The following APLN variants were observed in gnomAD, a reference collection of about 807,000 sequenced individuals.
APLN encodes the protein AGTRL1 ligand.
APLN carries 2 observed loss-of-function variants against 4.3 expected under a neutral mutation model. The observed-to-expected ratio is 0.46, with a 90% CI of 0.19 to 1.45. The LOEUF (loss-of-function observed/expected upper bound fraction) is 1.45, where lower values mean the gene tolerates loss of function less well. Among genes scored for constraint, APLN ranks in the 40% most tolerant of loss-of-function variants. The pLI, the probability that APLN is intolerant of heterozygous loss-of-function variation, is 0.25. For synonymous variants in APLN, 34 were observed against 30.4 expected, an observed-to-expected ratio of 1.12 and a Z score of -0.38; for missense variants, 80 against 70.0, an observed-to-expected ratio of 1.14 and a Z score of -0.51.
intron 1 of APLN, 27 bp downstream of exon 1, chrX:129,654,537 C>A: frequency 8.7e-7 from 1 of 1,143,431 alleles, no homozygotes. Context: ...GGCTGCAGCC[C>A]GGGCGAGCGG....
intron 1 of APLN, 65 bp from the exon 2 acceptor site, chrX:129,648,857 C>T: frequency 9.9e-7 from 1 of 1,009,638 alleles, no homozygotes. Flanking sequence ...CTGCAGACCA[C>T]AGGCCCGCGG....
At chrX:129,647,964 G>A (rs1399607779) in intron 2 of APLN, 47 bp from the exon 3 acceptor site, 4 of 974,654 alleles carry the variant, frequency 4.1e-6, no homozygotes, top group African/African-American at 4.0e-5. Context: ...CATATCCTAG[G>A]CCAAAGGAAC....
intron 1 of APLN, among the ~76,000 whole-genome samples, chrX:129,651,993 G>T (rs1024855529): frequency 9.0e-6 from 1 of 111,612 alleles, no homozygotes; most frequent in African/African-American, 3.3e-5. Flanking sequence ...GTGGCCCTCT[G>T]CTTCCCTTGC....
chrX:129,654,546 G>A lies in APLN; in HGVS notation c.67+18C>T. On this transcript the variant is annotated intron_variant, in intron 1 of 2. Transcript: ENST00000429967. ...CACGCCGGCTGCAGCCCGGGCGAGCGGGAGGGCGCGCACTCACCTCCACAC... is the reference window on the plus strand; with the variant it reads ...CACGCCGGCTGCAGCCCGGGCGAGCAGGAGGGCGCGCACTCACCTCCACAC... 1 of 1,147,564 alleles carries A rather than the reference G, an allele frequency of 8.7e-7. No individual in the cohort carries two copies. The highest frequency in any genetic ancestry group is 1.9e-5 in the South Asian group (1 of 51,358). 94.6% of individuals were successfully genotyped at this position (1,147,564 alleles called of 1,213,427 possible).
In APLN at chrX:129,647,862, C is replaced by A; in HGVS notation, c.*61G>T. ...ACGTGAGGCCTCCAGAGAAGCAGAC[C>A]AATCTATGGAGGAGACATAACCGCC... On this transcript the variant is annotated 3_prime_UTR_variant, in exon 3 of 3. Coordinates refer to ENST00000429967, the MANE Select transcript of APLN (RefSeq NM_017413.5). 1 of 983,108 alleles carries A rather than the reference C, an allele frequency of 1.0e-6. No homozygotes were observed. Among genetic ancestry groups the A allele is most frequent in the Non-Finnish European group, 1.3e-6 (1 of 756,106 alleles). 81.0% of individuals were successfully genotyped at this position (983,108 alleles called of 1,213,427 possible).
chrX:129,652,618 T>G (rs1332737660), intron 1 of APLN, among the ~76,000 whole-genome samples: 4 of 112,261 alleles, frequency 3.6e-5, no homozygotes, highest in Non-Finnish European at 7.5e-5. Context: ...GCACGAGGCT[T>G]GAGCAAAATG....
Position 129,648,751 on chromosome X carries a change from C to T in APLN, c.109G>A (p.Gly37Ser), listed in dbSNP as rs751746116. ...GGCTGCACCAGGTGGCGGACATTGC[C>T]GTCTTCCAGCCCATTCCCATCGGGA... ...PLPDGNGLED[G>S]NVRHLVQPRG... Residue 37 changes from glycine to serine, a missense_variant, in exon 2 of 3, where the codon GGC becomes AGC. Transcript: ENST00000429967. 6 of 1,175,987 alleles carry T rather than the reference C, an allele frequency of 5.1e-6. No homozygotes were observed. In the Admixed American group the frequency reaches 7.4e-5, roughly 15 times the overall value.
intron 1 of APLN, among the ~76,000 whole-genome samples, chrX:129,651,757 A>G (rs1236635336): frequency 8.9e-6 from 1 of 112,363 alleles, no homozygotes; most frequent in Non-Finnish European, 1.9e-5. Flanking sequence ...CTCATCAGGA[A>G]TGACGCACCT....
chrX:129,648,589 T>C (rs1258410356), intron 2 of APLN, 32 bp downstream of exon 2: 1 of 1,194,323 alleles, frequency 8.4e-7, no homozygotes, highest in Non-Finnish European at 1.1e-6. Context: ...CCCTCCGCTT[T>C]AGCACTGTCC....
At chrX:129,651,911 T>C (rs1190763881) in intron 1 of APLN, among the ~76,000 whole-genome samples, 1 of 112,058 alleles carries the variant, frequency 8.9e-6, no homozygotes, top group African/African-American at 3.2e-5. Flanking sequence ...CCCATCCCAG[T>C]CGCCTTCTCC....
rs758997134 is a variant in APLN at position 129,648,734 on chromosome X, C to T, written c.126G>A (p.Leu42=). The change falls in exon 2 of 3, where the codon CTG becomes CTA. Residue 42 remains leucine (L), a synonymous_variant. Coordinates refer to ENST00000429967, the MANE Select transcript of APLN (RefSeq NM_017413.5). ...CATTCCTTGACCCTCTGGGCTGCACCAGGTGGCGGACATTGCCGTCTTCCA... is the reference window on the plus strand; with the variant it reads ...CATTCCTTGACCCTCTGGGCTGCACTAGGTGGCGGACATTGCCGTCTTCCA... ...NGLEDGNVRH[L]VQPRGSRNGP... 1.1e-5 allele frequency: 13 copies of T among 1,177,209 alleles called. No homozygotes were observed. In the Admixed American group the frequency reaches 3.2e-4, roughly 29 times the overall value.
In APLN at chrX:129,648,004, C is replaced by T. The variant is rs1056915120; in HGVS notation, c.*6-87G>A. 1.2e-5 allele frequency: 11 copies of T among 935,256 alleles called. No individual in the cohort carries two copies. The African/African-American group carries it at 1.2e-4, about 11-fold the overall frequency. 77.1% of individuals were successfully genotyped at this position (935,256 alleles called of 1,213,427 possible). ...CAGGAAAGGAGAGGAGAGAGGAGACCGCCTTCTCTTTCCCCCAAACTCCAC... is the reference window on the plus strand; with the variant it reads ...CAGGAAAGGAGAGGAGAGAGGAGACTGCCTTCTCTTTCCCCCAAACTCCAC... On this transcript the variant is annotated intron_variant, in intron 2 of 2. Coordinates refer to ENST00000429967, the MANE Select transcript of APLN (RefSeq NM_017413.5).
At position 129,645,674 on chromosome X, in the gene APLN, G is replaced by A. The variant is rs1936934908; in HGVS notation, c.*2249C>T. Reference sequence around the variant, plus strand: ...CTCATGGCAAATCAGTTTGAGGCCAGTTGACCTAGAACCGATTTGGGATGC... The same window carrying A: ...CTCATGGCAAATCAGTTTGAGGCCAATTGACCTAGAACCGATTTGGGATGC... On this transcript the variant is annotated 3_prime_UTR_variant, in exon 3 of 3. Transcript: ENST00000429967. 8.9e-6 allele frequency: 1 copy of A among 112,320 alleles called. No individual in the cohort carries two copies. Among genetic ancestry groups the A allele is most frequent in the Non-Finnish European group, 1.9e-5 (1 of 53,205 alleles). The allele number at this position is 112,320 out of a possible 1,213,427, so 9.3% of individuals were successfully genotyped here.
rs755060911 is a variant in APLN, at chrX:129,652,392, C to T, written c.67+2172G>A. On this transcript the variant is annotated intron_variant, in intron 1 of 2. Coordinates refer to ENST00000429967, the MANE Select transcript of APLN (RefSeq NM_017413.5). The stretch of plus-strand genomic sequence containing the variant: ...AGGAAGTGTGGTTTTCAGGCTGGAA[C>T]TTTGACTGGGGACTCTGGCTGGGGA... Among the ~76,000 whole-genome samples, 3 of 111,590 alleles carry T rather than the reference C, an allele frequency of 2.7e-5. 1 individual carries two copies. The South Asian group carries it at 1.1e-3, about 42-fold the overall frequency.
Position 129,645,755 on chromosome X carries a change from C to T in APLN, c.*2168G>A, listed in dbSNP as rs985771439. The T allele has an allele frequency of 8.9e-6, 1 of 112,409 alleles. No homozygotes were observed. Among genetic ancestry groups the T allele is most frequent in the Admixed American group, 9.4e-5 (1 of 10,609 alleles). The allele number at this position is 112,409 out of a possible 1,213,427, so 9.3% of individuals were successfully genotyped here. A position where few individuals can be genotyped will look rare whatever the true frequency, so the allele number is the denominator to read the frequency against. The stretch of plus-strand genomic sequence containing the variant: ...TGGGCATGGGGACACCCATGACCCC[C>T]AGGGGAAAGGAATGCCCCTCCTGAA... On this transcript the variant is annotated 3_prime_UTR_variant, in exon 3 of 3. Coordinates refer to ENST00000429967, the MANE Select transcript of APLN (RefSeq NM_017413.5).
Position 129,647,610 on chromosome X carries a change from A to T in APLN, c.*313T>A. ...GAAGGTTTGGGGCGTTAGATGAGAC[A>T]GGCAGGGACTAGGGCGGAGGGGACC... On this transcript the variant is annotated 3_prime_UTR_variant, in exon 3 of 3. Coordinates refer to ENST00000429967, the MANE Select transcript of APLN (RefSeq NM_017413.5). 1.0e-6 allele frequency: 1 copy of T among 977,356 alleles called. No individual in the cohort carries two copies. The highest frequency in any genetic ancestry group is 1.3e-6 in the Non-Finnish European group (1 of 752,337). The allele number at this position is 977,356 out of a possible 1,213,427, so 80.5% of individuals were successfully genotyped here.
In APLN at chrX:129,654,728, T is replaced by A. The variant is rs1003150261; in HGVS notation, c.-98A>T. 2.0e-5 allele frequency: 13 copies of A among 646,319 alleles called. No individual in the cohort carries two copies. In the African/African-American group the frequency reaches 2.6e-4, roughly 13 times the overall value. The allele number at this position is 646,319 out of a possible 1,213,427, so 53.3% of individuals were successfully genotyped here. A position where few individuals can be genotyped will look rare whatever the true frequency, so the allele number is the denominator to read the frequency against. On this transcript the variant is annotated 5_prime_UTR_variant, in exon 1 of 3. Transcript: ENST00000429967. ...AAAGGCGCGAGCCGCGGCTGGCGCG[T>A]GCGGGCGCAGAGCTCGGGAGGCTCC...
Position 129,647,638 on chromosome X carries a change from G to A in APLN, c.*285C>T. 1.0e-6 allele frequency: 1 copy of A among 982,289 alleles called. No individual in the cohort carries two copies. Among genetic ancestry groups the A allele is most frequent in the Non-Finnish European group, 1.3e-6 (1 of 755,600 alleles). 81.0% of individuals were successfully genotyped at this position (982,289 alleles called of 1,213,427 possible). On this transcript the variant is annotated 3_prime_UTR_variant, in exon 3 of 3. Coordinates refer to ENST00000429967, the MANE Select transcript of APLN (RefSeq NM_017413.5). ...CAGGGACTAGGGCGGAGGGGACCTG[G>A]AGAAGAAGGGAGGCTTTCTGGGGCT...
rs1340883200 is a variant in APLN, at chrX:129,654,577, G to A, written c.54C>T (p.Thr18=). The A allele has an allele frequency of 1.7e-6, 2 of 1,155,668 alleles. No individual in the cohort carries two copies. The highest frequency in any genetic ancestry group is 2.3e-6 in the Non-Finnish European group (2 of 869,449). Residue 18 remains threonine, a synonymous_variant, in exon 1 of 3, where the codon ACC becomes ACT. Coordinates refer to ENST00000429967, the MANE Select transcript of APLN (RefSeq NM_017413.5). ...QALLLLWLSL[T]AVCGGSLMPL... ...GCGCGCACTCACCTCCACACACCGC[G>A]GTCAAGGAGAGCCAGAGCAGCAGGA...
Sources: allele counts gnomAD v4.1 joint callset (sites outside exome capture counted in the v4.1 genomes callset), GRCh38; gene constraint gnomAD v4.1.1; transcripts MANE v1.5; gene names NCBI Gene and HGNC (gene_info 2026-07-23, HGNC 2026-07-21).